Variants in CMTM6 observed in about 807,000 individuals in gnomAD.
CMTM6 encodes the protein CKLF-like MARVEL transmembrane domain-containing protein 6.
Under a neutral mutation model 13.6 loss-of-function variants are expected in CMTM6, and 5 were observed. The ratio of observed to expected loss-of-function variants is 0.37; its 90% CI spans 0.19 to 0.77. The LOEUF (loss-of-function observed/expected upper bound fraction) is 0.77, where lower values mean the gene tolerates loss of function less well. Ranked by LOEUF, CMTM6 falls within the 30% of genes least tolerant of loss-of-function variation. CMTM6 has a pLI of 0.50. For synonymous variants in CMTM6, 99 were observed against 84.5 expected, an observed-to-expected ratio of 1.17 and a Z score of -0.94; for missense variants, 196 against 218.6, an observed-to-expected ratio of 0.90 and a Z score of 0.65.
At chr3:32,502,577 C>G in intron 1 of CMTM6, 31 bp downstream of exon 1, 2 of 1,574,586 alleles carry the variant, frequency 1.3e-6, no homozygotes, top group Non-Finnish European at 1.7e-6. Flanking sequence ...GCTCCCCAGC[C>G]CGGGCTCGCC....
At chr3:32,498,744 TA>T (rs1697317237) in intron 1 of CMTM6, among the ~76,000 whole-genome samples, 1 of 151,948 alleles carries the variant, frequency 6.6e-6, no homozygotes, top group African/African-American at 2.4e-5. Context: ...AATACCCAGC[TA>T]ATTTTTGTAT....
At chr3:32,493,778 G>T (rs937212664) in intron 1 of CMTM6, among the ~76,000 whole-genome samples, 1 of 152,152 alleles carries the variant, frequency 6.6e-6, no homozygotes, top group African/African-American at 2.4e-5. Context: ...AAGTAATCAA[G>T]AGTGCTAAAT....
In CMTM6 at chr3:32,488,369, A is replaced by AG. The variant is rs1349021690; in HGVS notation, c.316-334_316-333insC. 7.9e-4 allele frequency: 129 copies of AG among 162,926 alleles called. 1 individual carries two copies. Among genetic ancestry groups the AG allele is most frequent in the African/African-American group, 2.9e-3 (123 of 41,824 alleles). 10.1% of individuals were successfully genotyped at this position (162,926 alleles called of 1,614,324 possible). A position where few individuals can be genotyped will look rare whatever the true frequency, so the allele number is the denominator to read the frequency against. The stretch of plus-strand genomic sequence containing the variant: ...TTTATTATCCAGTCCAAAAAAAGAA[A>AG]AAAAAAAAAAAACAGTCCCGGAAAA... On this transcript the variant is annotated intron_variant, in intron 2 of 3. Coordinates refer to ENST00000205636, the MANE Select transcript of CMTM6 (RefSeq NM_017801.3).
intron 1 of CMTM6, among the ~76,000 whole-genome samples, chr3:32,501,555 A>G (rs766433263): frequency 6.6e-6 from 1 of 152,238 alleles, no homozygotes; most frequent in Non-Finnish European, 1.5e-5. Flanking sequence ...TTTGATCGCT[A>G]AACAGCAGTG....
At position 32,502,711 on chromosome 3, in the gene CMTM6, T is replaced by A. The variant is rs746401911; in HGVS notation, c.35A>T (p.Glu12Val). The change falls in exon 1 of 4, where the codon GAG becomes GTG. Residue 12 changes from glutamate to valine, a missense_variant. Physicochemically the swap from Glu to Val is moderately radical, Grantham distance 121. Around this residue, in one of 2 missense-constraint regions of CMTM6, gnomAD observed 85 missense variants for 58.7 expected, o/e 1.45. Transcript: ENST00000205636. Reference protein sequence around the residue: ...ENGAVYSPTTEEDPGPARGPR... With the variant: ...ENGAVYSPTTVEDPGPARGPR... Reference sequence around the variant, plus strand: ...GCCTCTGGCGGGGCCCGGGTCCTCCTCCGTAGTGGGGCTGTACACCGCTCC... The same window carrying A: ...GCCTCTGGCGGGGCCCGGGTCCTCCACCGTAGTGGGGCTGTACACCGCTCC... 3 of 1,580,416 alleles carry A rather than the reference T, an allele frequency of 1.9e-6. No homozygotes were observed. The highest frequency in any genetic ancestry group is 2.6e-6 in the Non-Finnish European group (3 of 1,166,440).
chr3:32,490,012 G>A (rs920083432), intron 2 of CMTM6, among the ~76,000 whole-genome samples: 4 of 152,090 alleles, frequency 2.6e-5, no homozygotes, highest in Admixed American at 1.3e-4. Flanking sequence ...TTGGGAGGCC[G>A]AGGTGGGCGG....
rs112734442 is a variant in CMTM6 at position 32,495,011 on chromosome 3, CT to C, written c.139-3126del. ...CATACAAATGTGGGACCTCCCTGTACTTTTTTTTTTTGCAATTCCTGTGAAT... is the reference window on the plus strand; with the variant it reads ...CATACAAATGTGGGACCTCCCTGTACTTTTTTTTTTGCAATTCCTGTGAAT... On this transcript the variant is annotated intron_variant, in intron 1 of 3. Coordinates refer to ENST00000205636, the MANE Select transcript of CMTM6 (RefSeq NM_017801.3). 8.4e-3 allele frequency among the ~76,000 whole-genome samples: 1,206 copies of C among 144,094 alleles called. 17 individuals carry two copies. The highest frequency in any genetic ancestry group is 0.028 in the African/African-American group (1,090 of 39,600). The allele number at this position is 144,094 out of a possible 152,430, so 94.5% of individuals were successfully genotyped here.
At chr3:32,499,479 A>G (rs1457244282) in intron 1 of CMTM6, among the ~76,000 whole-genome samples, 1 of 152,192 alleles carries the variant, frequency 6.6e-6, no homozygotes, top group Admixed American at 6.5e-5. Context: ...AATTCCACAT[A>G]TTTAGGTCAC....
chr3:32,488,004 C>T lies in CMTM6; in HGVS notation c.348G>A (p.Val116=). The T allele has an allele frequency of 6.2e-7, 1 of 1,613,668 alleles. No individual in the cohort carries two copies. The highest frequency in any genetic ancestry group is 8.5e-7 in the Non-Finnish European group (1 of 1,179,716). The part of the protein sequence containing the change: ...DFYITLGTGC[V]FLLASIIFVS... ...CAAAAATGATGGATGCCAACAAAAA[C>T]ACACATCCTGTTCCCAAAGTAATAT... is the stretch of plus-strand genomic sequence containing the variant. The change falls in exon 3 of 4, where the codon GTG becomes GTA. Residue 116 remains valine (V), a synonymous_variant. Transcript: ENST00000205636.
rs1697349225 is a variant in CMTM6, at chr3:32,502,016, C to CT, written c.138+591dup. ...CCGCACATACTTACAAAAAGCTGTC[C>CT]TTTTGACTTTCCACTTAGAACCCAT... On this transcript the variant is annotated intron_variant, in intron 1 of 3. Transcript: ENST00000205636. Among the ~76,000 whole-genome samples the CT allele has an allele frequency of 2.6e-5, 4 of 152,232 alleles. No individual in the cohort carries two copies. In the South Asian group the frequency reaches 8.3e-4, roughly 31 times the overall value.
intron 1 of CMTM6, among the ~76,000 whole-genome samples, chr3:32,492,572 G>T (rs959720332): frequency 3.3e-5 from 5 of 152,136 alleles, no homozygotes; most frequent in South Asian, 2.1e-4. Flanking sequence ...GGGACCAGAG[G>T]TAAGGCAAAC....
At chr3:32,501,627 T>C (rs1697346302) in intron 1 of CMTM6, among the ~76,000 whole-genome samples, 1 of 152,258 alleles carries the variant, frequency 6.6e-6, no homozygotes, top group East Asian at 1.9e-4. Context: ...TCTAAGAATT[T>C]AACTTCGGGT....
At chr3:32,500,712 A>G (rs1471928028) in intron 1 of CMTM6, among the ~76,000 whole-genome samples, 1 of 152,236 alleles carries the variant, frequency 6.6e-6, no homozygotes, top group African/African-American at 2.4e-5. Flanking sequence ...TAACAGCAAT[A>G]AGGAAGGAAA....
chr3:32,483,343 T>C lies in CMTM6; in HGVS notation c.*617A>G, dbSNP rs1697172737. The C allele has an allele frequency of 6.6e-6, 1 of 152,628 alleles. No homozygotes were observed. The highest frequency in any genetic ancestry group is 2.1e-4 in the South Asian group (1 of 4,832). 9.5% of individuals were successfully genotyped at this position (152,628 alleles called of 1,614,324 possible). A position where few individuals can be genotyped will look rare whatever the true frequency, so the allele number is the denominator to read the frequency against. On this transcript the variant is annotated 3_prime_UTR_variant, in exon 4 of 4. Transcript: ENST00000205636. Reference sequence around the variant, plus strand: ...ATACCAACATCTCCCATACATTTTATAGGCTATACGAAGGTCTCAAAGAAT... The same window carrying C: ...ATACCAACATCTCCCATACATTTTACAGGCTATACGAAGGTCTCAAAGAAT...
intron 3 of CMTM6, among the ~76,000 whole-genome samples, chr3:32,487,117 G>A (rs1697211571): frequency 6.6e-6 from 1 of 152,146 alleles, no homozygotes; most frequent in African/African-American, 2.4e-5. Flanking sequence ...TTTTTGAGGG[G>A]CAAGGTAGGT....
intron 3 of CMTM6, among the ~76,000 whole-genome samples, chr3:32,487,238 G>A (rs1237766130): frequency 3.9e-5 from 6 of 152,134 alleles, no homozygotes; most frequent in African/African-American, 7.2e-5. Context: ...TTAAAAGCTG[G>A]AAATTAATTT....
rs369571622 is a variant in CMTM6 at position 32,484,097 on chromosome 3, C to A, written c.415G>T (p.Val139Leu). Residue 139 changes from valine (V) to leucine (L), a missense_variant and splice_region_variant, in exon 4 of 4, where the codon GTG becomes TTG. Val to Leu is a conservative substitution (Grantham distance 32). Transcript: ENST00000205636. ...DRTSAEIAAIVFGFIASFMFL... is the reference protein window; with the variant it reads ...DRTSAEIAAILFGFIASFMFL... ...ATAAAACTTGCTATAAATCCAAACA[C>A]CTGAGGAAAAAAAGGAGGAAAGGTT... is the stretch of plus-strand genomic sequence containing the variant. 2.5e-6 allele frequency: 4 copies of A among 1,570,298 alleles called. No homozygotes were observed. The highest frequency in any genetic ancestry group is 1.7e-4 in the Middle Eastern group (1 of 5,852).
At chr3:32,491,000 A>G (rs1697246211) in intron 2 of CMTM6, among the ~76,000 whole-genome samples, 1 of 152,234 alleles carries the variant, frequency 6.6e-6, no homozygotes, top group Non-Finnish European at 1.5e-5. Context: ...AAAAATTCTA[A>G]GGATTATCTG....
At chr3:32,490,975 A>G (rs187702171) in intron 2 of CMTM6, among the ~76,000 whole-genome samples, 4 of 152,366 alleles carry the variant, frequency 2.6e-5, no homozygotes, top group Non-Finnish European at 2.9e-5. Context: ...TCCAAAGACT[A>G]CAAATATAAT....
Sources: allele counts gnomAD v4.1 joint callset (sites outside exome capture counted in the v4.1 genomes callset), GRCh38; gene constraint gnomAD v4.1.1; regional missense constraint gnomAD v4.1.1; transcripts MANE v1.5; gene names NCBI Gene and HGNC (gene_info 2026-07-23, HGNC 2026-07-21).